CDH18: variants seen among roughly 807,000 people sequenced by gnomAD.
CDH18 encodes the protein cadherin 18, also known as cadherin-18.
A neutral mutation model predicts 67.9 loss-of-function variants in CDH18; 31 were observed. The ratio of observed to expected loss-of-function variants is 0.46; its 90% confidence interval spans 0.34 to 0.62. The LOEUF (loss-of-function observed/expected upper bound fraction) is 0.62. Among genes scored for constraint, CDH18 ranks in the 20% least tolerant of loss-of-function variants. CDH18 has a pLI of 0.01. For missense variants in CDH18, 890 were observed against 975.5 expected (o/e 0.91, Z 1.17); for synonymous variants, 362 against 347.2 (o/e 1.04, Z -0.48).
chr5:19,658,800 C>T (rs918529115), intron 5 of CDH18, among the ~76,000 whole-genome samples: 2 of 151,954 alleles, frequency 1.3e-5, no homozygotes, highest in African/African-American at 4.8e-5. Context: ...TATCCCTCCC[C>T]ACTTCGCCCA....
chr5:19,959,410 T>C (rs1420956939), intron 2 of CDH18, among the ~76,000 whole-genome samples: 1 of 152,096 alleles, frequency 6.6e-6, no homozygotes, highest in Non-Finnish European at 1.5e-5. Flanking sequence ...TTAAAATAGT[T>C]TTCAAATACA....
At chr5:20,493,855 G>A (rs1753738422) in intron 1 of CDH18, among the ~76,000 whole-genome samples, 2 of 152,100 alleles carry the variant, frequency 1.3e-5, no homozygotes, top group South Asian at 4.2e-4. Flanking sequence ...AGCTTCTGGT[G>A]TTACATCGGG....
intron 1 of CDH18, among the ~76,000 whole-genome samples, chr5:20,299,354 AGAG>A (rs1413086502): frequency 6.6e-6 from 1 of 151,770 alleles, no homozygotes; most frequent in African/African-American, 2.4e-5. Context: ...TAACTAGAAG[AGAG>A]GAGTAGATTT....
chr5:19,543,821 C>T lies in CDH18; in HGVS notation c.1390+48G>A, dbSNP rs1166765601. ...TGCTCTTAAGGAAATTTCAGTATGTCTTCTTGTACAAGTGACATCTTTTAC... is the reference window on the plus strand; with the variant it reads ...TGCTCTTAAGGAAATTTCAGTATGTTTTCTTGTACAAGTGACATCTTTTAC... On this transcript the variant is annotated intron_variant, in intron 9 of 12. Transcript: ENST00000382275. The T allele has an allele frequency of 2.1e-6, 3 of 1,422,796 alleles. 1 individual carries two copies. Among genetic ancestry groups the T allele is most frequent in the South Asian group, 1.5e-5 (1 of 66,962 alleles). 88.1% of individuals were successfully genotyped at this position (1,422,796 alleles called of 1,614,324 possible). A position where few individuals can be genotyped will look rare whatever the true frequency, so the allele number is the denominator to read the frequency against.
intron 1 of CDH18, among the ~76,000 whole-genome samples, chr5:20,518,078 G>T (rs1208130105): frequency 5.9e-5 from 9 of 151,978 alleles, no homozygotes; most frequent in Non-Finnish European, 1.3e-4. Flanking sequence ...TAATCAGAGA[G>T]TGGGGAAATG....
At position 19,733,263 on chromosome 5, in the gene CDH18, C is replaced by A. The variant is rs945737766; in HGVS notation, c.524-11797G>T. ...AGTGCTTTCCTTTGATTGAGCTTCACCCTTCACCTATTTTACATATACCTA... is the reference window on the plus strand; with the variant it reads ...AGTGCTTTCCTTTGATTGAGCTTCAACCTTCACCTATTTTACATATACCTA... On this transcript the variant is annotated intron_variant, in intron 4 of 12. Transcript: ENST00000382275. 1.3e-5 allele frequency among the ~76,000 whole-genome samples: 2 copies of A among 152,300 alleles called. 1 individual carries two copies. Among genetic ancestry groups the A allele is most frequent in the South Asian group, 4.1e-4 (2 of 4,824 alleles).
intron 3 of CDH18, among the ~76,000 whole-genome samples, chr5:19,800,365 G>GA (rs200749250): frequency 2.6e-5 from 4 of 151,744 alleles, no homozygotes; most frequent in East Asian, 1.9e-4. Context: ...CCTATTCTTG[G>GA]AAAAAAAATG....
At chr5:20,157,635 C>T (rs1325798917) in intron 2 of CDH18, among the ~76,000 whole-genome samples, 18 of 147,108 alleles carry the variant, frequency 1.2e-4, no homozygotes, top group African/African-American at 4.5e-4. Flanking sequence ...TGTTTGCACC[C>T]TTTAACCCAC....
chr5:20,136,279 T>A (rs1469135182), intron 2 of CDH18, among the ~76,000 whole-genome samples: 1 of 152,176 alleles, frequency 6.6e-6, no homozygotes, highest in African/African-American at 2.4e-5. Flanking sequence ...GGTGCTCCTG[T>A]ATTGGGTGCA....
chr5:20,565,618 T>C (rs1758457321), intron 1 of CDH18, among the ~76,000 whole-genome samples: 1 of 152,024 alleles, frequency 6.6e-6, no homozygotes, highest in African/African-American at 2.4e-5. Context: ...TATTTCTTAG[T>C]GCTTTTGTGA....
chr5:19,782,440 T>C (rs1265302668), intron 3 of CDH18, among the ~76,000 whole-genome samples: 2 of 152,120 alleles, frequency 1.3e-5, no homozygotes, highest in East Asian at 3.9e-4. Context: ...CCAAACCATA[T>C]CACACTTTTC....
intron 5 of CDH18, among the ~76,000 whole-genome samples, chr5:19,663,985 G>T (rs114715897): frequency 6.6e-6 from 1 of 151,444 alleles, no homozygotes; most frequent in East Asian, 1.9e-4. Flanking sequence ...AGAAGATGAC[G>T]GGTTTATATA....
rs192819605 is a variant in CDH18 at position 19,726,506 on chromosome 5, T to G, written c.524-5040A>C. On this transcript the variant is annotated intron_variant, in intron 4 of 12. Transcript: ENST00000382275. ...TGAAGGGAGCACACACACACATGAA[T>G]AGCAGAGCCCAACTAAATGCCAGCC... Among the ~76,000 whole-genome samples, 22 of 152,218 alleles carry G rather than the reference T, an allele frequency of 1.4e-4. No homozygotes were observed. In the East Asian group the frequency reaches 4.3e-3, roughly 30 times the overall value.
chr5:19,616,275 G>A (rs1409094060), intron 5 of CDH18, among the ~76,000 whole-genome samples: 3 of 151,310 alleles, frequency 2.0e-5, no homozygotes, highest in South Asian at 2.1e-4. Context: ...GTAAACACAC[G>A]CCTACATCCT....
At chr5:20,129,480 T>C (rs1749089656) in intron 2 of CDH18, among the ~76,000 whole-genome samples, 1 of 152,166 alleles carries the variant, frequency 6.6e-6, no homozygotes, top group African/African-American at 2.4e-5. Context: ...AACAATATAC[T>C]ATGCACCAGA....
At chr5:20,000,491 G>C (rs989778144) in intron 2 of CDH18, among the ~76,000 whole-genome samples, 1 of 152,170 alleles carries the variant, frequency 6.6e-6, no homozygotes, top group Admixed American at 6.5e-5. Context: ...TAGAAAGTGA[G>C]AAGAAAGTTG....
intron 1 of CDH18, among the ~76,000 whole-genome samples, chr5:20,388,201 C>T (rs1467744966): frequency 1.3e-5 from 2 of 152,000 alleles, no homozygotes; most frequent in East Asian, 3.9e-4. Context: ...TGGTCCTAGA[C>T]TTTTTTTGGT....
chr5:19,709,497 G>A (rs1764422552), intron 5 of CDH18, among the ~76,000 whole-genome samples: 1 of 151,990 alleles, frequency 6.6e-6, no homozygotes. Context: ...AAACTGGGAG[G>A]CAGAGGCTGC....
intron 3 of CDH18, among the ~76,000 whole-genome samples, chr5:19,781,219 A>C (rs1775074807): frequency 6.6e-6 from 1 of 152,176 alleles, no homozygotes; most frequent in South Asian, 2.1e-4. Context: ...GTTATTGCAA[A>C]GAAAAAAACA....
Sources: allele counts gnomAD v4.1 joint callset (sites outside exome capture counted in the v4.1 genomes callset), GRCh38; gene constraint gnomAD v4.1.1; transcripts MANE v1.5; gene names NCBI Gene and HGNC (gene_info 2026-07-23, HGNC 2026-07-21).